Variants in TSC2 observed in about 807,000 individuals in gnomAD.
TSC2 encodes the protein TSC complex subunit 2.
TSC2 carries 29 observed loss-of-function variants against 202.2 expected under a neutral mutation model. The ratio of observed to expected loss-of-function variants is 0.14; its 90% CI spans 0.11 to 0.20. TSC2 has a LOEUF of 0.20. TSC2 is among the 10% of genes least tolerant of loss of function. TSC2 has a pLI of 1.00. For missense variants in TSC2, 2,429 were observed against 2,420.0 expected (o/e 1.00, Z -0.08); for synonymous variants, 1,349 against 1,044.0 (o/e 1.29, Z -5.63).
At position 2,083,801 on chromosome 16, in the gene TSC2, G is replaced by T. The variant is rs369943684; in HGVS notation, c.3990G>T (p.Thr1330=). The change falls in exon 33 of 42, where the codon ACG becomes ACT. Residue 1330 remains threonine (T), a synonymous_variant. Transcript: ENST00000219476. ...VEAALGMDRR[T]DAYSRSSSVS... ...CAGCGCTAGGCATGGACAGGCGCAC[G>T]GATGCCTACAGCAGGGTGAGTGTGG... 6 of 1,611,294 alleles carry T rather than the reference G, an allele frequency of 3.7e-6. No homozygotes were observed. Among genetic ancestry groups the T allele is most frequent in the Non-Finnish European group, 5.1e-6 (6 of 1,179,564 alleles).
intron 38 of TSC2, 56 bp from the exon 39 acceptor site, chr16:2,087,807 G>A (rs2091032025): frequency 1.9e-6 from 3 of 1,595,760 alleles, no homozygotes; most frequent in Non-Finnish European, 2.6e-6. Flanking sequence ...CAGTAGCCGA[G>A]ATCAGCCTTC....
In TSC2 at chr16:2,084,287, G is replaced by A. The variant is rs2151521953; in HGVS notation, c.4065G>A (p.Arg1355=). The change falls in exon 34 of 42, where the codon AGG becomes AGA. Residue 1355 remains arginine (R), a synonymous_variant. Transcript: ENST00000219476. ...TCCACGCGGAGGAGCTGGTTGGCAG[G>A]GGCATCCCCATCGAGCGAGTCGTCT... ...KSLHAEELVG[R]GIPIERVVSS... is the part of the protein sequence containing the mutation. The A allele has an allele frequency of 1.2e-6, 2 of 1,612,288 alleles. No homozygotes were observed. Among genetic ancestry groups the A allele is most frequent in the Non-Finnish European group, 1.7e-6 (2 of 1,179,796 alleles).
chr16:2,074,864 T>C (rs1035237890), intron 22 of TSC2: 2 of 244,960 alleles, frequency 8.2e-6, no homozygotes, highest in Non-Finnish European at 1.6e-5. Context: ...TCGTGTGTGC[T>C]TTGTGGGCCA....
rs766813076 is a variant in TSC2 at position 2,085,215 on chromosome 16, C to A, written c.4570-15C>A. 3 of 1,612,552 alleles carry A rather than the reference C, an allele frequency of 1.9e-6. No homozygotes were observed. In the African/African-American group the frequency reaches 4.0e-5, roughly 22 times the overall value. On this transcript the variant is annotated splice_polypyrimidine_tract_variant and intron_variant, in intron 35 of 41. Transcript: ENST00000219476. ...ACGGGCGTCTGGGGCTCAGGCAGGG[C>A]TCTGTGTGCCACAGTCACAGTCCTT...
rs990897670 is a variant in TSC2, at chr16:2,055,641, T to C, written c.599+122T>C. The C allele has an allele frequency of 5.7e-5, 56 of 979,940 alleles. No individual in the cohort carries two copies. The African/African-American group carries it at 7.5e-4, about 13-fold the overall frequency. 60.7% of individuals were successfully genotyped at this position (979,940 alleles called of 1,614,324 possible). A position where few individuals can be genotyped will look rare whatever the true frequency, so the allele number is the denominator to read the frequency against. On this transcript the variant is annotated intron_variant, in intron 6 of 41. Transcript: ENST00000219476. ...GGCACAATGGCTCACGCCTGTAATC[T>C]CAGCACTTTGGGAGGCCGAGGCAGG...
intron 16 of TSC2, among the ~76,000 whole-genome samples, chr16:2,069,999 G>C (rs1415280405): frequency 7.2e-5 from 11 of 152,180 alleles, no homozygotes; most frequent in East Asian, 3.8e-4. Context: ...CTTACCTCCA[G>C]AGTGCTGCAA....
chr16:2,062,168 C>T (rs1391318997), intron 12 of TSC2, among the ~76,000 whole-genome samples, 160 bp downstream of exon 12: 2 of 152,210 alleles, frequency 1.3e-5, no homozygotes, highest in Admixed American at 1.3e-4. Flanking sequence ...AGGCACAGCA[C>T]GTGTTTGGTA....
chr16:2,071,234 G>A (rs765683891), intron 17 of TSC2, among the ~76,000 whole-genome samples: 13 of 152,216 alleles, frequency 8.5e-5, no homozygotes, highest in South Asian at 2.1e-4. Context: ...GGAGCGAGGC[G>A]CCCATCCCTT....
At chr16:2,069,868 C>T (rs953222993) in intron 16 of TSC2, among the ~76,000 whole-genome samples, 2 of 151,308 alleles carry the variant, frequency 1.3e-5, no homozygotes, top group Non-Finnish European at 2.9e-5. Flanking sequence ...CCACTTCAGC[C>T]TCCCAAAGTG....
At chr16:2,085,568 C>T (rs140093893) in intron 36 of TSC2, among the ~76,000 whole-genome samples, 68 of 152,278 alleles carry the variant, frequency 4.5e-4, no homozygotes, top group Middle Eastern at 6.8e-3. Flanking sequence ...CGGGTGGCAC[C>T]GGTCGCAGGG....
At chr16:2,086,151 G>A (rs776086802) in intron 36 of TSC2, 42 bp from the exon 37 acceptor site, 2 of 1,610,344 alleles carry the variant, frequency 1.2e-6, no homozygotes, top group African/African-American at 1.3e-5. Context: ...GCAGGGCCCG[G>A]CCCGGGAGTG....
rs937253511 is a variant in TSC2, at chr16:2,077,877, G to A, written c.2966+151G>A. ...GGGAGCCGGTGACGAGGGGTGGAAA[G>A]GTTGCATTCTGTCCCCAGGCCCCGT... On this transcript the variant is annotated intron_variant, in intron 26 of 41. Coordinates refer to ENST00000219476, the MANE Select transcript of TSC2 (RefSeq NM_000548.5). 2.6e-5 allele frequency: 36 copies of A among 1,389,712 alleles called. No homozygotes were observed. The African/African-American group carries it at 4.8e-4, about 19-fold the overall frequency. The allele number at this position is 1,389,712 out of a possible 1,614,324, so 86.1% of individuals were successfully genotyped here.
At chr16:2,048,133 G>T in intron 1 of TSC2, 68 bp downstream of exon 1, 1 of 1,512,134 alleles carries the variant, frequency 6.6e-7, no homozygotes, top group Non-Finnish European at 8.9e-7. Context: ...GGCGGACCCC[G>T]CAGTGTCCGG....
At chr16:2,074,610 C>T (rs2088997867) in intron 22 of TSC2, 1 of 613,846 alleles carries the variant, frequency 1.6e-6, no homozygotes, top group African/African-American at 1.8e-5. Flanking sequence ...GTGAACGCTC[C>T]TCCTTGAAGA....
chr16:2,055,054 A>G (rs2073636), intron 5 of TSC2: 264,134 of 403,308 alleles, frequency 0.65, 87,932 homozygotes, highest in African/African-American at 0.83. Context: ...CCTCCGAGCC[A>G]CTCTCTGCTG....
chr16:2,048,994 A>G (rs1347956540), intron 2 of TSC2, among the ~76,000 whole-genome samples: 1 of 152,246 alleles, frequency 6.6e-6, no homozygotes, highest in Non-Finnish European at 1.5e-5. Context: ...AGCCCATCTT[A>G]TAGATGAGGC....
chr16:2,055,219 C>A (rs1401203626), intron 5 of TSC2, 183 bp from the exon 6 acceptor site: 2 of 678,622 alleles, frequency 2.9e-6, no homozygotes, highest in Non-Finnish European at 5.4e-6. Context: ...GCGTAGCCGG[C>A]CTGCCCTGGG....
At chr16:2,073,942 C>G (rs1158902476) in intron 21 of TSC2, among the ~76,000 whole-genome samples, 1 of 152,256 alleles carries the variant, frequency 6.6e-6, no homozygotes, top group Non-Finnish European at 1.5e-5. Flanking sequence ...CTGTGAAGGG[C>G]CCAGAACCAG....
rs587778730 is a variant in TSC2, at chr16:2,071,582, G to T, written c.1912G>T (p.Val638Leu). 6 of 1,613,494 alleles carry T rather than the reference G, an allele frequency of 3.7e-6. No individual in the cohort carries two copies. Among genetic ancestry groups the T allele is most frequent in the Non-Finnish European group, 5.1e-6 (6 of 1,180,024 alleles). Residue 638 changes from valine (V) to leucine (L), a missense_variant, in exon 18 of 42, where the codon GTG becomes TTG. Coordinates refer to ENST00000219476, the MANE Select transcript of TSC2 (RefSeq NM_000548.5). The part of the protein sequence containing the change: ...RLGLPNKDGV[V>L]RFSPYCVCDY... ...GGGCCTGCCCAACAAGGATGGAGTC[G>T]TGCGGTTCAGCCCCTACTGCGTCTG...
Sources: allele counts gnomAD v4.1 joint callset (sites outside exome capture counted in the v4.1 genomes callset), GRCh38; gene constraint gnomAD v4.1.1; transcripts MANE v1.5; gene names NCBI Gene and HGNC (gene_info 2026-07-23, HGNC 2026-07-21).